The following KCNH1 variants were observed in gnomAD, a reference collection of about 807,000 sequenced individuals.
KCNH1 encodes the protein potassium voltage-gated channel subfamily H member 1.
KCNH1 carries 27 observed loss-of-function variants against 69.2 expected under a neutral mutation model. That is an observed-to-expected ratio of 0.39 (90% CI 0.29 to 0.54). The LOEUF is 0.54. Ranked by LOEUF, KCNH1 falls within the 20% of genes least tolerant of loss-of-function variation. The pLI is 0.68. For synonymous variants in KCNH1, 456 were observed against 487.7 expected (o/e 0.93, Z 0.86); for missense variants, 798 against 1,261.6 (o/e 0.63, Z 5.57).
intron 3 of KCNH1, among the ~76,000 whole-genome samples, chr1:211,102,907 T>C (rs1396842056): frequency 2.0e-5 from 3 of 152,228 alleles, no homozygotes; most frequent in African/African-American, 4.8e-5. Flanking sequence ...ATACTTCTAA[T>C]ACAGCTAATC....
At chr1:210,964,547 A>T (rs1267156276) in intron 6 of KCNH1, among the ~76,000 whole-genome samples, 1 of 152,144 alleles carries the variant, frequency 6.6e-6, no homozygotes, top group Non-Finnish European at 1.5e-5. Context: ...CCAAATCTAA[A>T]CCAGGAAGAA....
chr1:210,905,347 G>C (rs930533647), intron 7 of KCNH1, among the ~76,000 whole-genome samples: 1 of 152,086 alleles, frequency 6.6e-6, no homozygotes, highest in East Asian at 1.9e-4. Flanking sequence ...ATAAATTTTA[G>C]CTCTTACTAT....
In KCNH1 at chr1:210,792,868, T is replaced by C. The variant is rs149959078; in HGVS notation, c.1915+4640A>G. ...TGCAGGGAGATACTTAACACACTTA[T>C]GCACAGCCCTGATGCTAGTCCATGA... On this transcript the variant is annotated intron_variant, in intron 9 of 10. Transcript: ENST00000271751. Among the ~76,000 whole-genome samples, 1,398 of 152,260 alleles carry C rather than the reference T, an allele frequency of 9.2e-3. 9 individuals are homozygous for C. Among genetic ancestry groups the C allele is most frequent in the Non-Finnish European group, 0.013 (907 of 68,028 alleles).
chr1:210,691,009 G>A (rs534582393), intron 10 of KCNH1, among the ~76,000 whole-genome samples: 10 of 152,326 alleles, frequency 6.6e-5, no homozygotes, highest in South Asian at 2.1e-4. Context: ...GACTTGGATC[G>A]TGTTCCCCAA....
intron 4 of KCNH1, among the ~76,000 whole-genome samples, chr1:211,088,758 A>G (rs904973914): frequency 2.0e-5 from 3 of 152,214 alleles, no homozygotes; most frequent in South Asian, 4.1e-4. Context: ...ACCGACAAAA[A>G]CAATTAATAT....
chr1:211,038,585 A>C (rs1224837944), intron 5 of KCNH1, among the ~76,000 whole-genome samples: 3 of 152,198 alleles, frequency 2.0e-5, no homozygotes, highest in African/African-American at 4.8e-5. Context: ...TTTGCCCAAA[A>C]TGCTGATAGT....
At position 210,740,704 on chromosome 1, in the gene KCNH1, A is replaced by ATTTTTTTTTTTTTTTTTTTT. The variant is rs199727493; in HGVS notation, c.2112+34624_2112+34643dup. Among the ~76,000 whole-genome samples, 32 of 117,242 alleles carry ATTTTTTTTTTTTTTTTTTTT rather than the reference A, an allele frequency of 2.7e-4. 1 individual carries two copies. Among genetic ancestry groups the ATTTTTTTTTTTTTTTTTTTT allele is most frequent in the African/African-American group, 1.1e-3 (32 of 29,578 alleles). 76.9% of individuals were successfully genotyped at this position (117,242 alleles called of 152,430 possible). On this transcript the variant is annotated intron_variant, in intron 10 of 10. Transcript: ENST00000271751. Reference sequence around the variant, plus strand: ...GTCTCTGATTAAATTTTATGATTAAATTTTTTTTTTTTTTTTTTTTTTTTT... The same window carrying ATTTTTTTTTTTTTTTTTTTT: ...GTCTCTGATTAAATTTTATGATTAAATTTTTTTTTTTTTTTTTTTTTTTTTTTTTTTTTTTTTTTTTTTTT...
chr1:211,114,090 A>G (rs1006377098), intron 1 of KCNH1, among the ~76,000 whole-genome samples: 3 of 152,192 alleles, frequency 2.0e-5, no homozygotes, highest in Non-Finnish European at 4.4e-5. Context: ...AGAATGGAAC[A>G]TAAGTTCGCC....
intron 5 of KCNH1, among the ~76,000 whole-genome samples, chr1:211,061,741 T>C (rs11800626): frequency 0.012 from 1,860 of 152,108 alleles, 43 homozygotes; most frequent in African/African-American, 0.042. Context: ...AAAATACCTG[T>C]GAATTAATTT....
chr1:210,782,441 C>T (rs1338477720), intron 9 of KCNH1, among the ~76,000 whole-genome samples: 1 of 152,008 alleles, frequency 6.6e-6, no homozygotes, highest in East Asian at 1.9e-4. Context: ...AGATTAGTGC[C>T]CTGGCCGGGC....
At chr1:210,992,256 CAG>C (rs984320999) in intron 6 of KCNH1, among the ~76,000 whole-genome samples, 2 of 152,158 alleles carry the variant, frequency 1.3e-5, no homozygotes, top group African/African-American at 4.8e-5. Flanking sequence ...TAATAAGAGA[CAG>C]AGTCAAACAG....
chr1:210,844,565 C>T (rs1245129809), intron 7 of KCNH1, among the ~76,000 whole-genome samples: 1 of 152,154 alleles, frequency 6.6e-6, no homozygotes, highest in African/African-American at 2.4e-5. Context: ...ATCTCTGGGA[C>T]ACATTCAAAG....
intron 7 of KCNH1, among the ~76,000 whole-genome samples, chr1:210,866,535 G>A (rs1228781056): frequency 3.3e-5 from 5 of 152,068 alleles, no homozygotes; most frequent in African/African-American, 4.8e-5. Context: ...CTAGTCATAC[G>A]GGAAATGCAA....
At chr1:211,015,870 G>C (rs568048109) in intron 6 of KCNH1, among the ~76,000 whole-genome samples, 64 of 152,218 alleles carry the variant, frequency 4.2e-4, no homozygotes, top group African/African-American at 1.5e-3. Flanking sequence ...GTTATGAAAG[G>C]GCATTATTTG....
Position 211,115,775 on chromosome 1 carries a change from A to G in KCNH1, c.80-8398T>C, listed in dbSNP as rs184724798. On this transcript the variant is annotated intron_variant, in intron 1 of 10. Transcript: ENST00000271751. ...CACATCCTATTAGTCCTGTCCTTCT[A>G]GAGAACCCTGACTAATACACTACCC... is the stretch of plus-strand genomic sequence containing the variant. Among the ~76,000 whole-genome samples, 606 of 149,690 alleles carry G rather than the reference A, an allele frequency of 4.0e-3. 2 individuals are homozygous for G. Among genetic ancestry groups the G allele is most frequent in the Non-Finnish European group, 7.2e-3 (483 of 67,306 alleles).
chr1:210,718,422 A>T lies in KCNH1; in HGVS notation c.2113-34284T>A, dbSNP rs868164676. On this transcript the variant is annotated intron_variant, in intron 10 of 10. Transcript: ENST00000271751. The stretch of plus-strand genomic sequence containing the variant: ...ATATATGCATATATGTATATATATA[A>T]AATATATACATATATGTATATATAT... Among the ~76,000 whole-genome samples the T allele has an allele frequency of 9.9e-5, 6 of 60,378 alleles. No homozygotes were observed. The East Asian group carries it at 1.6e-3, about 17-fold the overall frequency. The allele number at this position is 60,378 out of a possible 152,430, so 39.6% of individuals were successfully genotyped here. A position where few individuals can be genotyped will look rare whatever the true frequency, so the allele number is the denominator to read the frequency against.
intron 6 of KCNH1, among the ~76,000 whole-genome samples, chr1:210,948,766 T>G (rs1177933415): frequency 6.7e-6 from 1 of 149,222 alleles, no homozygotes. Flanking sequence ...CCAGGAGGCA[T>G]GCAGTGAGCC....
At chr1:211,128,861 G>A (rs1051634555) in intron 1 of KCNH1, among the ~76,000 whole-genome samples, 1 of 152,174 alleles carries the variant, frequency 6.6e-6, no homozygotes, top group African/African-American at 2.4e-5. Flanking sequence ...AAGACCAAAT[G>A]ACAGCAACAA....
intron 10 of KCNH1, among the ~76,000 whole-genome samples, chr1:210,771,550 G>A (rs1010373519): frequency 1.3e-5 from 2 of 152,214 alleles, no homozygotes; most frequent in African/African-American, 4.8e-5. Flanking sequence ...CAAAGGCAGA[G>A]GAACTGCCTT....
Sources: gnomAD v4.1 joint callset for allele counts (sites outside exome capture counted in the v4.1 genomes callset) on GRCh38, gnomAD v4.1.1 for gene constraint, MANE v1.5 for transcripts, NCBI Gene and HGNC (gene_info 2026-07-23, HGNC 2026-07-21) for gene names.